The following CXorf58 variants were observed in gnomAD, a reference collection of about 807,000 sequenced individuals.
CXorf58 encodes uncharacterized protein CXorf58.
A neutral mutation model predicts 26.0 loss-of-function variants in CXorf58; 24 were observed. The ratio of observed to expected loss-of-function variants is 0.92; its 90% CI spans 0.67 to 1.30. The LOEUF (loss-of-function observed/expected upper bound fraction) is 1.30, where lower values mean the gene tolerates loss of function less well. CXorf58 is among the 50% of genes most tolerant of loss of function. The pLI, the probability that CXorf58 is intolerant of heterozygous loss-of-function variation, is 0.00. For synonymous variants in CXorf58, 87 were observed against 86.1 expected (o/e 1.01, Z -0.06); for missense variants, 236 against 263.9 (o/e 0.89, Z 0.73).
In CXorf58 at chrX:23,935,414, T is replaced by C; in HGVS notation, c.774T>C (p.Val258=). The change falls in exon 7 of 9, where the codon GTT becomes GTC. Residue 258 remains valine (V), a synonymous_variant. Coordinates refer to ENST00000379211, the MANE Select transcript of CXorf58 (RefSeq NM_152761.3). ...QEIHKHQLRI[V]SEIRGPYLTV... is the part of the protein sequence containing the mutation. ...TCCATAAGCACCAGCTACGGATTGT[T>C]TCTGAAATTAGGTAAAACAGATTCT... 3.4e-6 allele frequency: 4 copies of C among 1,188,321 alleles called. No homozygotes were observed. Among genetic ancestry groups the C allele is most frequent in the Non-Finnish European group, 4.6e-6 (4 of 874,704 alleles).
At chrX:23,929,874 C>T (rs1928114600) in intron 6 of CXorf58, among the ~76,000 whole-genome samples, 1 of 111,425 alleles carries the variant, frequency 9.0e-6, no homozygotes, top group African/African-American at 3.3e-5. Context: ...TCTCATTTAC[C>T]ATTCTGAAAA....
chrX:23,930,491 G>T (rs1776736705), intron 6 of CXorf58, among the ~76,000 whole-genome samples: 1 of 107,405 alleles, frequency 9.3e-6, no homozygotes, highest in South Asian at 4.1e-4. Flanking sequence ...CCCAAAATTA[G>T]CCAGGTGTGA....
Position 23,927,359 on chromosome X carries a change from G to T in CXorf58, c.544G>T (p.Asp182Tyr). ...TDIMDVVTMQDYVQYRSFFDE... is the reference protein window; with the variant it reads ...TDIMDVVTMQYYVQYRSFFDE... Reference sequence around the variant, plus strand: ...TATAATGGATGTTGTCACCATGCAAGATTATGTACAAGTAAGGAATTTAGA... The same window carrying T: ...TATAATGGATGTTGTCACCATGCAATATTATGTACAAGTAAGGAATTTAGA... The change falls in exon 6 of 9, where the codon GAT becomes TAT. Residue 182 changes from aspartate (D) to tyrosine (Y), a missense_variant. By Grantham distance (160) the Asp-to-Tyr change is radical. Transcript: ENST00000379211. The T allele has an allele frequency of 8.6e-7, 1 of 1,159,077 alleles. No homozygotes were observed. Among genetic ancestry groups the T allele is most frequent in the Non-Finnish European group, 1.2e-6 (1 of 868,447 alleles).
chrX:23,912,355 A>G (rs1753853942), intron 3 of CXorf58, among the ~76,000 whole-genome samples: 1 of 112,094 alleles, frequency 8.9e-6, no homozygotes, highest in Non-Finnish European at 1.9e-5. Context: ...TAAAATGTGG[A>G]TGACTATTAC....
chrX:23,920,890 C>CAA (rs59587627), intron 5 of CXorf58, among the ~76,000 whole-genome samples: 1 of 53,917 alleles, frequency 1.9e-5, no homozygotes, highest in Non-Finnish European at 3.7e-5. Context: ...AAACTCCGTC[C>CAA]AAAAAAAAAA....
intron 5 of CXorf58, among the ~76,000 whole-genome samples, chrX:23,920,782 T>C (rs1436143188): frequency 3.7e-5 from 4 of 107,804 alleles, no homozygotes; most frequent in Non-Finnish European, 7.7e-5. Flanking sequence ...TCCCAGTTAC[T>C]TGGGAGGCTG....
intron 5 of CXorf58, among the ~76,000 whole-genome samples, chrX:23,918,705 G>T (rs1381866274): frequency 9.0e-6 from 1 of 111,721 alleles, no homozygotes; most frequent in Non-Finnish European, 1.9e-5. Flanking sequence ...GTTTATTAAT[G>T]ACCTTTTCTT....
chrX:23,922,014 T>A (rs1457955626), intron 5 of CXorf58, among the ~76,000 whole-genome samples: 1 of 111,281 alleles, frequency 9.0e-6, no homozygotes, highest in Non-Finnish European at 1.9e-5. Flanking sequence ...TTAAACATTT[T>A]ATGCACATTA....
rs59847807 is a variant in CXorf58 at position 23,925,871 on chromosome X, C to T, written c.424-1368C>T. Reference sequence around the variant, plus strand: ...TGGCATGATCTCGGCTCACTGCAACCTCCGCCTCCTGGGTTCAAGCGATTC... The same window carrying T: ...TGGCATGATCTCGGCTCACTGCAACTTCCGCCTCCTGGGTTCAAGCGATTC... On this transcript the variant is annotated intron_variant, in intron 5 of 8. Transcript: ENST00000379211. Among the ~76,000 whole-genome samples the T allele has an allele frequency of 3.0e-3, 303 of 102,030 alleles. 1 individual carries two copies. The highest frequency in any genetic ancestry group is 0.01 in the African/African-American group (283 of 27,380). 88.6% of individuals were successfully genotyped at this position (102,030 alleles called of 115,157 possible). A position where few individuals can be genotyped will look rare whatever the true frequency, so the allele number is the denominator to read the frequency against.
intron 5 of CXorf58, among the ~76,000 whole-genome samples, chrX:23,921,614 AGCTTACTCAACTCT>A (rs1400334647): frequency 9.0e-6 from 1 of 111,330 alleles, no homozygotes; most frequent in African/African-American, 3.3e-5. Flanking sequence ...TCTCACTCTA[AGCTTACTCAACTCT>A]GTTGCTCTTT....
At chrX:23,920,290 C>T (rs140424652) in intron 5 of CXorf58, among the ~76,000 whole-genome samples, 1,568 of 112,715 alleles carry the variant, frequency 0.014, 36 homozygotes, top group African/African-American at 0.047. Context: ...GACCCTTATA[C>T]ATGACTATAT....
intron 6 of CXorf58, 39 bp from the exon 7 acceptor site, chrX:23,935,157 C>G: frequency 1.8e-6 from 2 of 1,083,003 alleles, no homozygotes; most frequent in Non-Finnish European, 1.3e-6. Flanking sequence ...TGAGCCACCG[C>G]ACCTGGCCAA....
intron 7 of CXorf58, among the ~76,000 whole-genome samples, chrX:23,937,910 G>A (rs1239958821): frequency 9.4e-6 from 1 of 106,834 alleles, no homozygotes; most frequent in Non-Finnish European, 1.9e-5. Context: ...TTTTGAGCTG[G>A]AGTCTCGCTC....
At chrX:23,913,055 AG>A (rs1400685003) in intron 3 of CXorf58, among the ~76,000 whole-genome samples, 1 of 111,186 alleles carries the variant, frequency 9.0e-6, no homozygotes, top group African/African-American at 3.3e-5. Context: ...CAAAAAAAAA[AG>A]GTGCATATCC....
intron 5 of CXorf58, among the ~76,000 whole-genome samples, chrX:23,919,179 C>T (rs1228924572): frequency 8.9e-6 from 1 of 111,792 alleles, no homozygotes; most frequent in Non-Finnish European, 1.9e-5. Context: ...TATCTCTCTA[C>T]CTCCTTTTTA....
chrX:23,915,632 G>T, intron 3 of CXorf58, 68 bp from the exon 4 acceptor site: 1 of 651,276 alleles, frequency 1.5e-6, no homozygotes, highest in East Asian at 3.3e-5. Context: ...CGTTGCCTCT[G>T]TTATAGTCCA....
intron 5 of CXorf58, among the ~76,000 whole-genome samples, chrX:23,921,694 G>A (rs974302704): frequency 9.0e-6 from 1 of 110,790 alleles, no homozygotes; most frequent in Non-Finnish European, 1.9e-5. Flanking sequence ...TTTTGTTGTT[G>A]TTGTTGTTGT....
intron 3 of CXorf58, among the ~76,000 whole-genome samples, chrX:23,912,839 C>T (rs1005457815): frequency 8.9e-6 from 1 of 111,874 alleles, no homozygotes; most frequent in Non-Finnish European, 1.9e-5. Context: ...TTGATTGCAC[C>T]GTTGTTTGTA....
chrX:23,913,332 C>T (rs1013256934), intron 3 of CXorf58, among the ~76,000 whole-genome samples: 1 of 109,065 alleles, frequency 9.2e-6, no homozygotes, highest in East Asian at 2.9e-4. Context: ...AGGTGCGTGC[C>T]GCCATGCCCA....
Sources: allele counts gnomAD v4.1 joint callset (sites outside exome capture counted in the v4.1 genomes callset), GRCh38; gene constraint gnomAD v4.1.1; transcripts MANE v1.5; gene names NCBI Gene and HGNC (gene_info 2026-07-23, HGNC 2026-07-21).